Variants in HIGD1C observed in about 807,000 individuals in gnomAD.
HIGD1C encodes the protein HIG1 domain family member 1C.
In HIGD1C, 11 loss-of-function variants were observed where a neutral mutation model predicts 13.1. The ratio of observed to expected loss-of-function variants is 0.84; its 90% CI spans 0.53 to 1.39. The LOEUF (loss-of-function observed/expected upper bound fraction) is 1.39, where lower values mean the gene tolerates loss of function less well. Among genes scored for constraint, HIGD1C ranks in the 40% most tolerant of loss-of-function variants. The pLI, the probability that HIGD1C is intolerant of heterozygous loss-of-function variation, is 0.00. For synonymous variants in HIGD1C, 36 were observed against 37.7 expected, an observed-to-expected ratio of 0.95 and a Z score of 0.17; for missense variants, 110 against 112.0, an observed-to-expected ratio of 0.98 and a Z score of 0.08.
chr12:50,944,976 A>T, the HIGD1C span, among the ~76,000 whole-genome samples: 4 of 152,202 alleles, frequency 2.6e-5, no homozygotes, highest in African/African-American at 4.8e-5. Flanking sequence ...ACAGAACCAA[A>T]GACAAAAACC....
chr12:50,961,388 C>T (rs2630367), intron 2 of HIGD1C, among the ~76,000 whole-genome samples: 14,614 of 152,150 alleles, frequency 0.096, 1,075 homozygotes, highest in African/African-American at 0.2. Flanking sequence ...ATAACTCAAG[C>T]GCAGCAGTTA....
At chr12:50,963,139 G>A (rs936020494) in intron 2 of HIGD1C, among the ~76,000 whole-genome samples, 3 of 151,930 alleles carry the variant, frequency 2.0e-5, no homozygotes, top group Admixed American at 1.3e-4. Context: ...GGAGGCCGAG[G>A]CAGGGGTATC....
At chr12:50,953,855 A>G, upstream of HIGD1C, 1 of 558,798 alleles carries the variant, frequency 1.8e-6, no homozygotes, top group Non-Finnish European at 3.2e-6. Flanking sequence ...AGGAAAGACA[A>G]TTGTTTCAGT....
intron 2 of HIGD1C, among the ~76,000 whole-genome samples, chr12:50,967,676 A>G (rs545824882): frequency 3.2e-4 from 49 of 152,324 alleles, no homozygotes; most frequent in African/African-American, 1.1e-3. Flanking sequence ...CTTTAAATCT[A>G]AACGGATCAG....
chr12:50,933,145 T>C, the HIGD1C span, among the ~76,000 whole-genome samples: 3 of 152,160 alleles, frequency 2.0e-5, no homozygotes, highest in African/African-American at 7.2e-5. Context: ...AAATGAAGTT[T>C]TTTACAGTCA....
chr12:50,955,082 A>T (rs997994718), intron 1 of HIGD1C, among the ~76,000 whole-genome samples: 1 of 152,214 alleles, frequency 6.6e-6, no homozygotes, highest in Admixed American at 6.5e-5. Context: ...ACTTGAGGTC[A>T]GGAATTCAAG....
At chr12:50,958,629 G>C (rs1939204755) in intron 1 of HIGD1C, among the ~76,000 whole-genome samples, 1 of 151,990 alleles carries the variant, frequency 6.6e-6, no homozygotes, top group African/African-American at 2.4e-5. Flanking sequence ...AATCACTCTG[G>C]CTGATATTAA....
the HIGD1C span, chr12:50,932,637 C>T: frequency 1.3e-5 from 2 of 152,170 alleles, no homozygotes; most frequent in South Asian, 4.2e-4. Context: ...TAACTATAAA[C>T]ACAGCCAATA....
intron 2 of HIGD1C, among the ~76,000 whole-genome samples, chr12:50,966,274 A>T (rs1414089379): frequency 6.6e-6 from 1 of 152,196 alleles, no homozygotes; most frequent in African/African-American, 2.4e-5. Context: ...GGCTACCCTG[A>T]CAAATGTCTT....
the HIGD1C span, among the ~76,000 whole-genome samples, chr12:50,945,123 T>C: frequency 6.6e-6 from 1 of 152,084 alleles, no homozygotes; most frequent in Non-Finnish European, 1.5e-5. Flanking sequence ...CCACAGCCAA[T>C]ATCATACTGA....
the HIGD1C span, among the ~76,000 whole-genome samples, chr12:50,933,595 TG>T: frequency 6.6e-6 from 1 of 152,232 alleles, no homozygotes; most frequent in South Asian, 2.1e-4. Context: ...TTGGTAGAAA[TG>T]GCTCTGACCT....
At chr12:50,944,428 G>A in the HIGD1C span, among the ~76,000 whole-genome samples, 1 of 152,118 alleles carries the variant, frequency 6.6e-6, no homozygotes, top group African/African-American at 2.4e-5. Context: ...AGACAAGGAG[G>A]GCAAATCACT....
the HIGD1C span, among the ~76,000 whole-genome samples, chr12:50,937,351 C>T: frequency 6.6e-6 from 1 of 152,234 alleles, no homozygotes; most frequent in South Asian, 2.1e-4. Flanking sequence ...CTGCCTCCAG[C>T]TTGGGCGTGG....
chr12:50,942,980 C>T, the HIGD1C span, among the ~76,000 whole-genome samples: 1 of 151,618 alleles, frequency 6.6e-6, no homozygotes, highest in African/African-American at 2.4e-5. Flanking sequence ...ATTCTCCTGC[C>T]TCAGCCTCCC....
the HIGD1C span, chr12:50,935,435 T>C: frequency 1.3e-5 from 2 of 152,228 alleles, no homozygotes; most frequent in African/African-American, 2.4e-5. Flanking sequence ...TGCAGAGAAC[T>C]ACATGGTAAC....
Position 50,961,114 on chromosome 12 carries a change from A to G in HIGD1C, c.229+12A>G, listed in dbSNP as rs375581487. On this transcript the variant is annotated intron_variant, in intron 2 of 2. Transcript: ENST00000398455. ...AGCTGTGACTCTAGGTAACCCGCTT[A>G]ATTTGTATCTTATGTTCAGCTGTCT... 3 of 1,613,124 alleles carry G rather than the reference A, an allele frequency of 1.9e-6. No homozygotes were observed. The highest frequency in any genetic ancestry group is 1.7e-6 in the Non-Finnish European group (2 of 1,179,514).
the HIGD1C span, among the ~76,000 whole-genome samples, chr12:50,945,135 T>C: frequency 2.0e-5 from 3 of 152,158 alleles, no homozygotes; most frequent in East Asian, 5.8e-4. Flanking sequence ...TCATACTGAA[T>C]GGGCAAAAAC....
At chr12:50,944,158 C>T in the HIGD1C span, among the ~76,000 whole-genome samples, 1 of 152,072 alleles carries the variant, frequency 6.6e-6, no homozygotes, top group African/African-American at 2.4e-5. Flanking sequence ...TCACAGATCC[C>T]TTCTCCTGAC....
At chr12:50,965,963 A>G (rs1358463574) in intron 2 of HIGD1C, among the ~76,000 whole-genome samples, 1 of 152,190 alleles carries the variant, frequency 6.6e-6, no homozygotes, top group African/African-American at 2.4e-5. Flanking sequence ...GATTCAAGTT[A>G]GACTTTTGTT....
Sources: gnomAD v4.1 joint callset for allele counts (sites outside exome capture counted in the v4.1 genomes callset) on GRCh38, gnomAD v4.1.1 for gene constraint, MANE v1.5 for transcripts, NCBI Gene and HGNC (gene_info 2026-07-23, HGNC 2026-07-21) for gene names.